KCNMB4: variants seen among roughly 807,000 people sequenced by gnomAD.
KCNMB4 encodes the protein calcium-activated potassium channel subunit beta-4.
A neutral mutation model predicts 20.7 loss-of-function variants in KCNMB4; 3 were observed. The ratio of observed to expected loss-of-function variants is 0.14; its 90% CI spans 0.07 to 0.37. The LOEUF (loss-of-function observed/expected upper bound fraction) is 0.37. KCNMB4 is among the 10% of genes least tolerant of loss of function. The pLI is 1.00. For missense variants in KCNMB4, 168 were observed against 265.9 expected (o/e 0.63, Z 2.56); for synonymous variants, 110 against 113.4 (o/e 0.97, Z 0.19).
chr12:70,396,096 A>G (rs531585893), intron 1 of KCNMB4, among the ~76,000 whole-genome samples: 1 of 152,314 alleles, frequency 6.6e-6, no homozygotes, highest in East Asian at 1.9e-4. Context: ...ATCAGCTCTC[A>G]GGAGGACTAC....
At chr12:70,423,857 G>T (rs936560803) in intron 2 of KCNMB4, among the ~76,000 whole-genome samples, 1 of 152,156 alleles carries the variant, frequency 6.6e-6, no homozygotes, top group African/African-American at 2.4e-5. Flanking sequence ...TACTGTAGGG[G>T]ACAAAAACAA....
chr12:70,420,801 G>A (rs1869029742), intron 2 of KCNMB4, among the ~76,000 whole-genome samples: 1 of 152,190 alleles, frequency 6.6e-6, no homozygotes, highest in African/African-American at 2.4e-5. Flanking sequence ...GCTCACACCT[G>A]TAATCCCAGC....
intron 1 of KCNMB4, among the ~76,000 whole-genome samples, chr12:70,399,661 C>T (rs1593335635): frequency 6.6e-6 from 1 of 152,124 alleles, no homozygotes; most frequent in African/African-American, 2.4e-5. Context: ...TAGGAAAAGA[C>T]ATCAGTTAGC....
chr12:70,403,860 A>G (rs985953728), intron 2 of KCNMB4, among the ~76,000 whole-genome samples: 2 of 152,206 alleles, frequency 1.3e-5, no homozygotes, highest in African/African-American at 2.4e-5. Context: ...TTCTTTGTTT[A>G]TGTATCTCTA....
chr12:70,416,451 G>C (rs556004689), intron 2 of KCNMB4, among the ~76,000 whole-genome samples: 4 of 152,306 alleles, frequency 2.6e-5, no homozygotes, highest in Admixed American at 2.0e-4. Flanking sequence ...ATGCTACCAG[G>C]ATAAAGTTAA....
chr12:70,378,686 G>A (rs533448425), intron 1 of KCNMB4, among the ~76,000 whole-genome samples: 4 of 151,916 alleles, frequency 2.6e-5, no homozygotes, highest in South Asian at 2.1e-4. Flanking sequence ...ACAGTTGCAC[G>A]CCACCATGCC....
At chr12:70,403,844 C>T (rs1868523350) in intron 2 of KCNMB4, among the ~76,000 whole-genome samples, 1 of 152,154 alleles carries the variant, frequency 6.6e-6, no homozygotes, top group Non-Finnish European at 1.5e-5. Context: ...AGGGTATGGG[C>T]CAGTCTTCTT....
intron 2 of KCNMB4, among the ~76,000 whole-genome samples, chr12:70,414,862 G>A (rs1868873745): frequency 6.6e-6 from 1 of 152,088 alleles, no homozygotes; most frequent in African/African-American, 2.4e-5. Context: ...TTGACCGATT[G>A]TTCCAGTCTC....
intron 2 of KCNMB4, among the ~76,000 whole-genome samples, chr12:70,411,632 A>C (rs1157678119): frequency 6.6e-6 from 1 of 152,102 alleles, no homozygotes; most frequent in Non-Finnish European, 1.5e-5. Context: ...TAGTGTCCTA[A>C]ATTTTACACA....
chr12:70,392,280 A>G (rs541042760), intron 1 of KCNMB4, among the ~76,000 whole-genome samples: 1 of 152,328 alleles, frequency 6.6e-6, no homozygotes, highest in African/African-American at 2.4e-5. Context: ...ATGAGATACC[A>G]TCTCACACCA....
rs765309715 is a variant in KCNMB4 at position 70,366,777 on chromosome 12, G to A, written c.43G>A (p.Asp15Asn). ...RVAYEYTEAE[D>N]KSIRLGLFLI... ...GGCTTACGAGTACACGGAAGCCGAGGACAAGAGCATCCGGCTCGGCTTGTT... is the reference window on the plus strand; with the variant it reads ...GGCTTACGAGTACACGGAAGCCGAGAACAAGAGCATCCGGCTCGGCTTGTT... Residue 15 changes from aspartate to asparagine, a missense_variant, in exon 1 of 3, where the codon GAC (aspartate) becomes AAC (asparagine). Asp to Asn is a conservative substitution (Grantham distance 23). Transcript: ENST00000258111. 6.2e-7 allele frequency: 1 copy of A among 1,611,416 alleles called. No homozygotes were observed. The highest frequency in any genetic ancestry group is 8.5e-7 in the Non-Finnish European group (1 of 1,179,826).
chr12:70,415,583 TGCCAG>T (rs753732967), intron 2 of KCNMB4, among the ~76,000 whole-genome samples: 1 of 152,228 alleles, frequency 6.6e-6, no homozygotes, highest in Non-Finnish European at 1.5e-5. Flanking sequence ...TAATCTGAAA[TGCCAG>T]ACCAAAGCAT....
chr12:70,381,339 G>A (rs1593324643), intron 1 of KCNMB4, among the ~76,000 whole-genome samples: 1 of 152,134 alleles, frequency 6.6e-6, no homozygotes, highest in East Asian at 1.9e-4. Flanking sequence ...TCCTCAAAAC[G>A]CTAAACAGTT....
At chr12:70,413,981 C>T (rs1034631956) in intron 2 of KCNMB4, among the ~76,000 whole-genome samples, 1 of 152,112 alleles carries the variant, frequency 6.6e-6, no homozygotes, top group Non-Finnish European at 1.5e-5. Flanking sequence ...CACTTGTAAT[C>T]CCAGCACTTT....
chr12:70,421,792 A>G (rs1869068889), intron 2 of KCNMB4, among the ~76,000 whole-genome samples: 1 of 151,562 alleles, frequency 6.6e-6, no homozygotes, highest in South Asian at 2.1e-4. Context: ...TATGTTAGCC[A>G]GGATGGTCTT....
chr12:70,398,876 C>T (rs534726420), intron 1 of KCNMB4, among the ~76,000 whole-genome samples: 4 of 152,186 alleles, frequency 2.6e-5, no homozygotes, highest in East Asian at 1.9e-4. Flanking sequence ...TATCACGTGG[C>T]GTGAGTCCCA....
chr12:70,372,718 C>T (rs1188914304), intron 1 of KCNMB4, among the ~76,000 whole-genome samples: 1 of 152,156 alleles, frequency 6.6e-6, no homozygotes, highest in East Asian at 1.9e-4. Flanking sequence ...ATCCATGAGC[C>T]TCTGTCCTCA....
chr12:70,400,302 C>A lies in KCNMB4; in HGVS notation c.430C>A (p.Gln144Lys). ...GTACTGGAAAGATGAGATTGGTTCCCAGCCATTTACTTGCTATTTTAATCA... is the reference window on the plus strand; with the variant it reads ...GTACTGGAAAGATGAGATTGGTTCCAAGCCATTTACTTGCTATTTTAATCA... ...QQYWKDEIGS[Q>K]PFTCYFNQHQ... Residue 144 changes from glutamine (Q) to lysine (K), a missense_variant, in exon 2 of 3, where the codon CAG (glutamine) becomes AAG (lysine). Physicochemically the swap from Gln to Lys is moderately conservative, Grantham distance 53 (BLOSUM62 1). Transcript: ENST00000258111. The A allele has an allele frequency of 6.2e-7, 1 of 1,605,272 alleles. No homozygotes were observed. Among genetic ancestry groups the A allele is most frequent in the Non-Finnish European group, 8.5e-7 (1 of 1,177,964 alleles).
intron 2 of KCNMB4, among the ~76,000 whole-genome samples, chr12:70,416,070 T>C (rs1038777154): frequency 4.6e-5 from 7 of 152,246 alleles, no homozygotes; most frequent in African/African-American, 1.7e-4. Flanking sequence ...TTGACCATCA[T>C]GGCTGTTTCC....
Sources: allele counts gnomAD v4.1 joint callset (sites outside exome capture counted in the v4.1 genomes callset), GRCh38; gene constraint gnomAD v4.1.1; transcripts MANE v1.5; gene names NCBI Gene and HGNC (gene_info 2026-07-23, HGNC 2026-07-21).